The following TADA2A variants were observed in gnomAD, a reference collection of about 807,000 sequenced individuals.
TADA2A encodes the protein transcriptional adapter 2-alpha.
In TADA2A, 38 loss-of-function variants were observed where a neutral mutation model predicts 67.4. The observed-to-expected ratio is 0.56, with a 90% CI of 0.44 to 0.74. The LOEUF is 0.74. TADA2A is among the 30% of genes least tolerant of loss of function. The probability of loss-of-function intolerance (pLI) is 0.00; values close to 1 mark genes in which losing one functional copy is unlikely to be tolerated. For missense variants in TADA2A, 454 were observed against 547.0 expected (o/e 0.83, Z 1.70); for synonymous variants, 192 against 181.6 (o/e 1.06, Z -0.46).
chr17:37,414,238 T>G (rs2051970349), intron 2 of TADA2A, among the ~76,000 whole-genome samples: 2 of 152,184 alleles, frequency 1.3e-5, no homozygotes, highest in Admixed American at 1.3e-4. Flanking sequence ...AATTCCTATT[T>G]TTTCAAGGAT....
intron 8 of TADA2A, among the ~76,000 whole-genome samples, chr17:37,446,118 T>G (rs1860736834): frequency 6.8e-6 from 1 of 146,116 alleles, no homozygotes; most frequent in African/African-American, 2.7e-5. Flanking sequence ...TTTTTTTTTT[T>G]TGGCAACATT....
At chr17:37,476,164 G>T (rs947727187) in intron 15 of TADA2A, among the ~76,000 whole-genome samples, 2 of 152,136 alleles carry the variant, frequency 1.3e-5, no homozygotes, top group Non-Finnish European at 2.9e-5. Flanking sequence ...TTCAAATATT[G>T]AATGGCCTGG....
chr17:37,420,815 C>T lies in TADA2A; in HGVS notation c.26-2694C>T, dbSNP rs1320768114. On this transcript the variant is annotated intron_variant, in intron 2 of 15. Coordinates refer to ENST00000615182, the MANE Select transcript of TADA2A (RefSeq NM_001166105.3). ...ATACTGTTACAGAATGTGAGAAATC[C>T]TGTTCCAGGCTGAACAAATTAAATT... Among the ~76,000 whole-genome samples, 3 of 146,962 alleles carry T rather than the reference C, an allele frequency of 2.0e-5. 1 individual carries two copies. The highest frequency in any genetic ancestry group is 4.6e-5 in the Non-Finnish European group (3 of 65,828).
At position 37,465,428 on chromosome 17, in the gene TADA2A, T is replaced by A. The variant is rs748476617; in HGVS notation, c.713-3T>A. On this transcript the variant is annotated splice_polypyrimidine_tract_variant and splice_region_variant and intron_variant, in intron 10 of 15. Coordinates refer to ENST00000615182, the MANE Select transcript of TADA2A (RefSeq NM_001166105.3). ...ACACATTTATGTTTTATTTTCTCTG[T>A]AGTAATGGAACGGCGGTATCCCAAG... The A allele has an allele frequency of 6.2e-7, 1 of 1,607,580 alleles. No homozygotes were observed. The highest frequency in any genetic ancestry group is 8.5e-7 in the Non-Finnish European group (1 of 1,175,550).
At chr17:37,428,734 A>G (rs986205564) in intron 4 of TADA2A, among the ~76,000 whole-genome samples, 1 of 151,380 alleles carries the variant, frequency 6.6e-6, no homozygotes, top group Non-Finnish European at 1.5e-5. Flanking sequence ...ACAAGCCACC[A>G]TGCCTGGCTA....
intron 4 of TADA2A, 28 bp downstream of exon 4, chr17:37,427,037 GT>G: frequency 6.5e-7 from 1 of 1,547,538 alleles, no homozygotes; most frequent in Non-Finnish European, 8.7e-7. Flanking sequence ...GGGAATTTCT[GT>G]TCACTTTTTT....
intron 10 of TADA2A, among the ~76,000 whole-genome samples, 168 bp from the exon 11 acceptor site, chr17:37,465,263 T>C (rs853207): frequency 0.013 from 1,988 of 152,228 alleles, 17 homozygotes; most frequent in Non-Finnish European, 0.02. Context: ...TTATGATTAG[T>C]GTTTTGCATT....
At chr17:37,418,009 A>G (rs1025211892) in intron 2 of TADA2A, among the ~76,000 whole-genome samples, 1 of 152,224 alleles carries the variant, frequency 6.6e-6, no homozygotes, top group African/African-American at 2.4e-5. Flanking sequence ...ACTTGAACCC[A>G]TATGTTGAAT....
chr17:37,476,734 C>G, intron 15 of TADA2A, 63 bp from the exon 16 acceptor site: 1 of 1,552,152 alleles, frequency 6.4e-7, no homozygotes. Flanking sequence ...TTTGCTATAC[C>G]TGCTGGATTA....
rs1394909264 is a variant in TADA2A, at chr17:37,442,657, G to C, written c.531+5G>C. ...GCTCGAGCAGATTTCATTGAGGTAG[G>C]ATAAATGTGTTTTTAGCACAAAGTA... On this transcript the variant is annotated splice_donor_5th_base_variant and intron_variant, in intron 7 of 15. Transcript: ENST00000615182. The C allele has an allele frequency of 6.2e-7, 1 of 1,612,568 alleles. No individual in the cohort carries two copies. The highest frequency in any genetic ancestry group is 8.5e-7 in the Non-Finnish European group (1 of 1,179,408).
intron 2 of TADA2A, among the ~76,000 whole-genome samples, chr17:37,419,010 C>T (rs1007549522): frequency 6.8e-6 from 1 of 146,076 alleles, no homozygotes; most frequent in African/African-American, 2.5e-5. Flanking sequence ...GGGTTACAGG[C>T]ATGACCCACA....
intron 15 of TADA2A, among the ~76,000 whole-genome samples, chr17:37,476,372 A>G (rs1394702782): frequency 6.6e-5 from 10 of 152,180 alleles, no homozygotes; most frequent in Admixed American, 5.2e-4. Flanking sequence ...ACTAAAAACA[A>G]TGTGATGCAG....
chr17:37,475,165 ATTTT>A (rs909085530), intron 15 of TADA2A, among the ~76,000 whole-genome samples: 1 of 151,004 alleles, frequency 6.6e-6, no homozygotes, highest in African/African-American at 2.4e-5. Context: ...TTTTATTTTT[ATTTT>A]TTTTTATTTA....
chr17:37,458,750 C>T (rs1183999732), intron 9 of TADA2A, among the ~76,000 whole-genome samples, 163 bp downstream of exon 9: 1 of 151,974 alleles, frequency 6.6e-6, no homozygotes, highest in Non-Finnish European at 1.5e-5. Context: ...AATAATGGCT[C>T]ACTGCAGCCT....
At chr17:37,428,066 T>A (rs1038881587) in intron 4 of TADA2A, among the ~76,000 whole-genome samples, 1 of 152,230 alleles carries the variant, frequency 6.6e-6, no homozygotes, top group African/African-American at 2.4e-5. Flanking sequence ...TTCTGACATT[T>A]GGCCCCCATG....
intron 12 of TADA2A, among the ~76,000 whole-genome samples, chr17:37,468,402 C>A (rs1224366444): frequency 1.3e-5 from 2 of 152,130 alleles, no homozygotes; most frequent in African/African-American, 4.8e-5. Flanking sequence ...AGTACTAGAA[C>A]CAGGTCATAA....
intron 3 of TADA2A, 79 bp from the exon 4 acceptor site, chr17:37,426,871 C>T: frequency 7.2e-7 from 1 of 1,393,676 alleles, no homozygotes. Flanking sequence ...AAAACCCAAA[C>T]TTGTCAGAAG....
At chr17:37,468,541 T>C (rs2053715934) in intron 12 of TADA2A, among the ~76,000 whole-genome samples, 1 of 152,036 alleles carries the variant, frequency 6.6e-6, no homozygotes, top group South Asian at 2.1e-4. Context: ...TCCTTTTTTT[T>C]TTTTCCCTAG....
Position 37,419,207 on chromosome 17 carries a change from C to T in TADA2A, c.26-4302C>T, listed in dbSNP as rs116266298. On this transcript the variant is annotated intron_variant, in intron 2 of 15. Transcript: ENST00000615182. ...TCTTTTTGAGAGAGGGTCTTGCTTT[C>T]TTACCCAGGCTGGAGTGCAGTGGCA... Among the ~76,000 whole-genome samples the T allele has an allele frequency of 8.1e-3, 1,146 of 141,994 alleles. 78 individuals carry two copies. The highest frequency in any genetic ancestry group is 0.027 in the African/African-American group (1,078 of 39,326). 93.2% of individuals were successfully genotyped at this position (141,994 alleles called of 152,430 possible). A position where few individuals can be genotyped will look rare whatever the true frequency, so the allele number is the denominator to read the frequency against.
Sources: allele counts gnomAD v4.1 joint callset (sites outside exome capture counted in the v4.1 genomes callset), GRCh38; gene constraint gnomAD v4.1.1; transcripts MANE v1.5; gene names NCBI Gene and HGNC (gene_info 2026-07-23, HGNC 2026-07-21).